The following CTNNA2 variants were observed in gnomAD, a reference collection of about 807,000 sequenced individuals.
CTNNA2 encodes catenin alpha-2.
Under a neutral mutation model 101.0 loss-of-function variants are expected in CTNNA2, and 42 were observed. The observed-to-expected ratio is 0.42, with a 90% CI of 0.32 to 0.54. The LOEUF (loss-of-function observed/expected upper bound fraction) is 0.54, where lower values mean the gene tolerates loss of function less well. Among genes scored for constraint, CTNNA2 ranks in the 20% least tolerant of loss-of-function variants. The pLI is 0.14. For missense variants in CTNNA2, 871 were observed against 1,223.1 expected (o/e 0.71, Z 4.29); for synonymous variants, 450 against 456.4 (o/e 0.99, Z 0.18).
intron 7 of CTNNA2, among the ~76,000 whole-genome samples, chr2:80,005,101 G>A (rs1693238001): frequency 6.6e-6 from 1 of 152,132 alleles, no homozygotes; most frequent in African/African-American, 2.4e-5. Context: ...GGCTGGAATG[G>A]TACTGGTTGG....
At chr2:79,215,252 T>A (rs1244747591) in intron 2 of CTNNA2, among the ~76,000 whole-genome samples, 1 of 152,156 alleles carries the variant, frequency 6.6e-6, no homozygotes, top group Non-Finnish European at 1.5e-5. Flanking sequence ...TTCCTTGGCC[T>A]GGTTGCCAGA....
intron 1 of CTNNA2, among the ~76,000 whole-genome samples, chr2:79,571,025 G>A (rs936699907): frequency 9.9e-5 from 15 of 152,146 alleles, no homozygotes; most frequent in African/African-American, 3.6e-4. Context: ...TATCTGCAGT[G>A]ATAACAACCC....
chr2:79,829,273 C>CT (rs1229507050), intron 3 of CTNNA2, among the ~76,000 whole-genome samples: 1 of 151,686 alleles, frequency 6.6e-6, no homozygotes, highest in African/African-American at 2.4e-5. Flanking sequence ...AATCCCAGCA[C>CT]TTTGGGAGGC....
intron 7 of CTNNA2, among the ~76,000 whole-genome samples, chr2:79,940,686 G>T (rs1688094256): frequency 6.6e-6 from 1 of 152,186 alleles, no homozygotes; most frequent in South Asian, 2.1e-4. Context: ...CAAGGGGTCT[G>T]TAGTGCAAAT....
intron 1 of CTNNA2, among the ~76,000 whole-genome samples, chr2:79,631,265 G>A (rs1283637004): frequency 1.3e-5 from 2 of 152,130 alleles, no homozygotes; most frequent in East Asian, 1.9e-4. Context: ...ACTTGGGTGT[G>A]TAGTCCTGTA....
At chr2:80,175,606 G>T (rs1705343635) in intron 7 of CTNNA2, among the ~76,000 whole-genome samples, 1 of 152,084 alleles carries the variant, frequency 6.6e-6, no homozygotes, top group African/African-American at 2.4e-5. Flanking sequence ...TATTAGTTTG[G>T]GTTGTCTAGA....
chr2:79,362,320 A>G (rs748706712), intron 3 of CTNNA2, among the ~76,000 whole-genome samples: 10 of 152,266 alleles, frequency 6.6e-5, no homozygotes, highest in Non-Finnish European at 5.9e-5. Context: ...TTTTTAAATC[A>G]ACAAATAAAA....
chr2:80,212,184 C>T (rs1205419834), intron 7 of CTNNA2, among the ~76,000 whole-genome samples: 1 of 152,182 alleles, frequency 6.6e-6, no homozygotes, highest in Non-Finnish European at 1.5e-5. Flanking sequence ...TTAACTTCCT[C>T]TTTTCCTAAT....
chr2:80,289,890 T>G (rs1469341833), intron 7 of CTNNA2, among the ~76,000 whole-genome samples: 1 of 152,170 alleles, frequency 6.6e-6, no homozygotes, highest in East Asian at 1.9e-4. Context: ...ATGAAGGACT[T>G]AATTCACAGC....
rs70940085 is a variant in CTNNA2, at chr2:80,560,054, CAAAA to C, written c.1741+4176_1741+4179del. ...TTTTTCTTCAGAGGAAACAATAGAC[CAAAA>C]AAAAAAAAAAAAAAGAAAAAAGCAT... On this transcript the variant is annotated intron_variant, in intron 12 of 18. Transcript: ENST00000402739. 0.029 allele frequency among the ~76,000 whole-genome samples: 1,613 copies of C among 54,982 alleles called. 50 individuals carry two copies. In the East Asian group the frequency reaches 0.41, roughly 14 times the overall value. The allele number at this position is 54,982 out of a possible 152,430, so 36.1% of individuals were successfully genotyped here.
intron 6 of CTNNA2, among the ~76,000 whole-genome samples, chr2:79,901,417 C>T (rs1685062661): frequency 1.3e-5 from 2 of 151,988 alleles, no homozygotes; most frequent in South Asian, 4.1e-4. Context: ...AAATCCAGGA[C>T]ACATTTGTCT....
chr2:79,850,597 T>C (rs2103901556), intron 3 of CTNNA2, among the ~76,000 whole-genome samples: 1 of 152,300 alleles, frequency 6.6e-6, no homozygotes, highest in East Asian at 1.9e-4. Context: ...AATAAAGATA[T>C]TTCTAAAGCA....
chr2:80,025,220 A>G (rs1694858335), intron 7 of CTNNA2, among the ~76,000 whole-genome samples: 1 of 152,104 alleles, frequency 6.6e-6, no homozygotes, highest in Non-Finnish European at 1.5e-5. Flanking sequence ...GGAAATGGCA[A>G]CATTTGGGTG....
At chr2:80,133,682 G>A (rs922728887) in intron 7 of CTNNA2, among the ~76,000 whole-genome samples, 11 of 152,122 alleles carry the variant, frequency 7.2e-5, no homozygotes, top group African/African-American at 2.2e-4. Flanking sequence ...TTACAGAGTC[G>A]CAAAATAGCT....
At chr2:79,861,247 A>G (rs1251067967) in intron 4 of CTNNA2, among the ~76,000 whole-genome samples, 1 of 152,198 alleles carries the variant, frequency 6.6e-6, no homozygotes, top group Non-Finnish European at 1.5e-5. Context: ...AGTGTTACAC[A>G]TAGTATTCTA....
At chr2:80,218,146 C>T (rs916836924) in intron 7 of CTNNA2, among the ~76,000 whole-genome samples, 5 of 152,194 alleles carry the variant, frequency 3.3e-5, no homozygotes, top group African/African-American at 1.2e-4. Flanking sequence ...TTCTCAATAT[C>T]TCTGTTTTCA....
chr2:79,496,034 T>C (rs1428040470), intron 4 of CTNNA2, among the ~76,000 whole-genome samples: 1 of 152,138 alleles, frequency 6.6e-6, no homozygotes, highest in South Asian at 2.1e-4. Context: ...GGGTACAGAA[T>C]GTCTTTTGGG....
chr2:79,381,115 A>C (rs1473088710), intron 4 of CTNNA2, among the ~76,000 whole-genome samples: 1 of 152,204 alleles, frequency 6.6e-6, no homozygotes, highest in Non-Finnish European at 1.5e-5. Context: ...TTATTCTCTT[A>C]GCAAGATGTT....
At chr2:80,479,830 C>T (rs1163904628) in intron 9 of CTNNA2, among the ~76,000 whole-genome samples, 1 of 152,110 alleles carries the variant, frequency 6.6e-6, no homozygotes, top group Non-Finnish European at 1.5e-5. Flanking sequence ...TTGGAGTCCA[C>T]ATTGGAAAGG....
Sources: allele counts gnomAD v4.1 joint callset (sites outside exome capture counted in the v4.1 genomes callset), GRCh38; gene constraint gnomAD v4.1.1; transcripts MANE v1.5; gene names NCBI Gene and HGNC (gene_info 2026-07-23, HGNC 2026-07-21).